MTHFD2L: variants seen among roughly 807,000 people sequenced by gnomAD.
MTHFD2L encodes methylenetetrahydrofolate dehydrogenase (NADP+ dependent) 2 like, also known as bifunctional methylenetetrahydrofolate dehydrogenase/cyclohydrolase 2, mitochondrial.
In MTHFD2L, 29 loss-of-function variants were observed where a neutral mutation model predicts 34.9. The ratio of observed to expected loss-of-function variants is 0.83; its 90% CI spans 0.62 to 1.13. MTHFD2L has a LOEUF of 1.13. MTHFD2L is among the 50% of genes most tolerant of loss of function. The pLI is 0.00. For synonymous variants in MTHFD2L, 167 were observed against 155.7 expected (o/e 1.07, Z -0.54); for missense variants, 481 against 446.5 (o/e 1.08, Z -0.70).
chr4:74,157,954 C>T (rs752393106), upstream of MTHFD2L: 2 of 940,070 alleles, frequency 2.1e-6, no homozygotes, highest in Non-Finnish European at 3.3e-6. Context: ...ACCCGGCACT[C>T]TGTCAGTTCC....
At chr4:74,275,496 A>T (rs1578687170) in intron 6 of MTHFD2L, among the ~76,000 whole-genome samples, 1 of 152,030 alleles carries the variant, frequency 6.6e-6, no homozygotes, top group East Asian at 1.9e-4. Flanking sequence ...GGTATTTCTG[A>T]TTCTAGATCC....
At chr4:74,135,502 C>T (rs1722840437) in intron 1 of MTHFD2L, among the ~76,000 whole-genome samples, 1 of 151,962 alleles carries the variant, frequency 6.6e-6, no homozygotes, top group South Asian at 2.1e-4. Flanking sequence ...AAATCAAAGC[C>T]ATAATAAAAA....
chr4:74,230,898 T>C (rs1300071347), intron 6 of MTHFD2L, among the ~76,000 whole-genome samples: 1 of 152,180 alleles, frequency 6.6e-6, no homozygotes, highest in African/African-American at 2.4e-5. Context: ...CAAGTTTTTT[T>C]AGACATTGTC....
At chr4:74,139,040 A>T (rs1578243252) in intron 1 of MTHFD2L, among the ~76,000 whole-genome samples, 1 of 152,136 alleles carries the variant, frequency 6.6e-6, no homozygotes, top group South Asian at 2.1e-4. Context: ...AGGAATTCTT[A>T]GTTGGCCTAG....
intron 3 of MTHFD2L, among the ~76,000 whole-genome samples, chr4:74,177,427 A>G (rs536103311): frequency 1.3e-5 from 2 of 152,028 alleles, no homozygotes; most frequent in East Asian, 3.9e-4. Context: ...TTAATTCTTA[A>G]AATGTCCATT....
At chr4:74,188,076 C>G (rs1268172371) in intron 3 of MTHFD2L, among the ~76,000 whole-genome samples, 4 of 151,600 alleles carry the variant, frequency 2.6e-5, no homozygotes, top group Non-Finnish European at 4.4e-5. Context: ...AGATTAATCT[C>G]AAAGTAATTA....
chr4:74,251,603 C>T (rs1429045744), intron 6 of MTHFD2L, among the ~76,000 whole-genome samples: 1 of 152,120 alleles, frequency 6.6e-6, no homozygotes, highest in Non-Finnish European at 1.5e-5. Flanking sequence ...CAAGAATCAG[C>T]TCATGCCCTC....
At chr4:74,138,785 C>T (rs946155292) in intron 1 of MTHFD2L, among the ~76,000 whole-genome samples, 1 of 152,104 alleles carries the variant, frequency 6.6e-6, no homozygotes, top group Admixed American at 6.5e-5. Context: ...AAACAGAGCT[C>T]CCATACAATG....
At chr4:74,193,030 A>G (rs1732832516) in intron 3 of MTHFD2L, among the ~76,000 whole-genome samples, 1 of 152,138 alleles carries the variant, frequency 6.6e-6, no homozygotes, top group Non-Finnish European at 1.5e-5. Flanking sequence ...TACACCCAGC[A>G]TACAATGATA....
upstream of MTHFD2L, among the ~76,000 whole-genome samples, chr4:74,118,519 C>T (rs574277515): frequency 3.3e-5 from 5 of 152,232 alleles, no homozygotes; most frequent in African/African-American, 1.2e-4. Context: ...ACTCTCAGTA[C>T]ACCTCAGAAT....
At chr4:74,268,884 G>A (rs1745622934) in intron 6 of MTHFD2L, among the ~76,000 whole-genome samples, 1 of 152,048 alleles carries the variant, frequency 6.6e-6, no homozygotes. Context: ...CTAGTGCTCT[G>A]TTTGCTTTAG....
chr4:74,118,537 T>C (rs917844942), upstream of MTHFD2L, among the ~76,000 whole-genome samples: 3 of 152,200 alleles, frequency 2.0e-5, no homozygotes, highest in Admixed American at 6.5e-5. Context: ...AATATAACTG[T>C]ATTTAGAAAT....
chr4:74,220,146 T>G (rs1020953342), intron 5 of MTHFD2L, among the ~76,000 whole-genome samples: 1 of 151,860 alleles, frequency 6.6e-6, no homozygotes, highest in African/African-American at 2.4e-5. Context: ...AGAGAACACT[T>G]GAGTGGGTTG....
At chr4:74,120,723 G>T (rs535574924), upstream of MTHFD2L, among the ~76,000 whole-genome samples, 1 of 152,320 alleles carries the variant, frequency 6.6e-6, no homozygotes, top group African/African-American at 2.4e-5. Context: ...AGCTCTGCAA[G>T]GAGATGGACA....
intron 6 of MTHFD2L, among the ~76,000 whole-genome samples, chr4:74,239,560 T>C (rs1741392773): frequency 6.6e-6 from 1 of 152,098 alleles, no homozygotes; most frequent in Non-Finnish European, 1.5e-5. Context: ...TTTTGTTTAA[T>C]TCATAATTGC....
At chr4:74,147,282 C>A (rs951337657) in intron 1 of MTHFD2L, among the ~76,000 whole-genome samples, 1 of 151,982 alleles carries the variant, frequency 6.6e-6, no homozygotes, top group South Asian at 2.1e-4. Context: ...GGTTCTAGGT[C>A]GGCTCTTTAA....
intron 7 of MTHFD2L, among the ~76,000 whole-genome samples, chr4:74,285,569 A>T (rs933442946): frequency 7.2e-5 from 11 of 152,124 alleles, no homozygotes; most frequent in African/African-American, 2.7e-4. Flanking sequence ...AGTAAATAGT[A>T]ATATTTGTTT....
chr4:74,273,832 C>T (rs909153342), intron 6 of MTHFD2L, among the ~76,000 whole-genome samples: 2 of 152,120 alleles, frequency 1.3e-5, no homozygotes, highest in East Asian at 3.9e-4. Flanking sequence ...GCTGGGCCTT[C>T]TCCAGGTGCA....
chr4:74,288,791 A>G (rs1459012391), intron 7 of MTHFD2L, among the ~76,000 whole-genome samples: 1 of 152,202 alleles, frequency 6.6e-6, no homozygotes, highest in Admixed American at 6.5e-5. Flanking sequence ...TGTGCAGGTA[A>G]TACAACCTCA....
Sources: gnomAD v4.1 joint callset for allele counts (sites outside exome capture counted in the v4.1 genomes callset) on GRCh38, gnomAD v4.1.1 for gene constraint, MANE v1.5 for transcripts, NCBI Gene and HGNC (gene_info 2026-07-23, HGNC 2026-07-21) for gene names.